Variants in BCL11A observed in about 807,000 individuals in gnomAD.
BCL11A encodes the protein B cell CLL/lymphoma 11A.
Under a neutral mutation model 55.9 loss-of-function variants are expected in BCL11A, and 2 were observed. The observed-to-expected ratio is 0.04, with a 90% confidence interval of 0.01 to 0.11. BCL11A has a LOEUF of 0.11. Ranked by LOEUF, BCL11A falls within the 10% of genes least tolerant of loss-of-function variation. The pLI is 1.00. For missense variants in BCL11A, 817 were observed against 1,137.1 expected (o/e 0.72, Z 4.05); for synonymous variants, 465 against 473.4 (o/e 0.98, Z 0.23).
chr2:60,531,813 A>C (rs1669469304), intron 2 of BCL11A, among the ~76,000 whole-genome samples: 2 of 152,064 alleles, frequency 1.3e-5, no homozygotes, highest in Admixed American at 1.3e-4. Context: ...CCCTCTTCCT[A>C]ACCACCCTCT....
chr2:60,551,511 C>T (rs1338571250), intron 1 of BCL11A, among the ~76,000 whole-genome samples: 1 of 152,236 alleles, frequency 6.6e-6, no homozygotes, highest in East Asian at 1.9e-4. Context: ...GCAGGGAAAG[C>T]ACGTGGTGAC....
chr2:60,467,081 G>C (rs1002846563), intron 3 of BCL11A, among the ~76,000 whole-genome samples: 6 of 149,344 alleles, frequency 4.0e-5, no homozygotes, highest in Non-Finnish European at 9.0e-5. Flanking sequence ...AGTGGTGGTG[G>C]TGGTGGTGGT....
intron 3 of BCL11A, among the ~76,000 whole-genome samples, chr2:60,464,507 T>A (rs1040998714): frequency 4.6e-5 from 7 of 152,192 alleles, no homozygotes; most frequent in African/African-American, 1.7e-4. Flanking sequence ...AGCCTGACGA[T>A]CTGAGTTGGG....
chr2:60,454,127 C>G (rs1177664991), downstream of BCL11A, among the ~76,000 whole-genome samples: 1 of 152,030 alleles, frequency 6.6e-6, no homozygotes, highest in Non-Finnish European at 1.5e-5. Flanking sequence ...AATTAAACAG[C>G]GGGCTAATGG....
chr2:60,488,246 T>G (rs1432795179), intron 2 of BCL11A, among the ~76,000 whole-genome samples: 1 of 152,244 alleles, frequency 6.6e-6, no homozygotes, highest in African/African-American at 2.4e-5. Context: ...GTCATGATTT[T>G]AACTGAACAA....
chr2:60,462,487 T>A, intron 3 of BCL11A, 63 bp from the exon 4 acceptor site: 1 of 1,545,224 alleles, frequency 6.5e-7, no homozygotes, highest in South Asian at 1.3e-5. Flanking sequence ...AGCAATTGCT[T>A]ATTTATGTTC....
intron 2 of BCL11A, among the ~76,000 whole-genome samples, chr2:60,471,387 A>G (rs1164641712): frequency 1.3e-5 from 2 of 152,266 alleles, no homozygotes; most frequent in African/African-American, 2.4e-5. Context: ...TGGGGACCCC[A>G]GCTGATTCTG....
chr2:60,455,470 G>T (rs1353463556), downstream of BCL11A, among the ~76,000 whole-genome samples: 1 of 152,116 alleles, frequency 6.6e-6, no homozygotes, highest in African/African-American at 2.4e-5. Context: ...ATCAGAAGGC[G>T]TCAATAAGTC....
In BCL11A at chr2:60,460,719, G is replaced by A. The variant is rs1388112346; in HGVS notation, c.2193C>T (p.Gly731=). 1.2e-6 allele frequency: 2 copies of A among 1,614,060 alleles called. No individual in the cohort carries two copies. Among genetic ancestry groups the A allele is most frequent in the Non-Finnish European group, 1.7e-6 (2 of 1,180,054 alleles). ...GTCTGCCCTCTTTTGAGCTGGGCCTGCCCGGGCCCGGACCACTAATATGGG... is the reference window on the plus strand; with the variant it reads ...GTCTGCCCTCTTTTGAGCTGGGCCTACCCGGGCCCGGACCACTAATATGGG... ...STPHISGPGP[G]RPSSKEGRRS... Residue 731 remains glycine, a synonymous_variant, in exon 4 of 4, where the codon GGC becomes GGT. Transcript: ENST00000642384.
Position 60,459,702 on chromosome 2 carries a change from T to G in BCL11A, c.*702A>C, listed in dbSNP as rs150974916. ...GCACTCATATTTTAAAACCAAATGA[T>G]AGAATAAACTTGTTCTGTTTTTCTG... On this transcript the variant is annotated 3_prime_UTR_variant, in exon 4 of 4. Coordinates refer to ENST00000642384, the MANE Select transcript of BCL11A (RefSeq NM_022893.4). 3,267 of 1,036,658 alleles carry G rather than the reference T, an allele frequency of 3.2e-3. 8 individuals are homozygous for G. Among genetic ancestry groups the G allele is most frequent in the Admixed American group, 5.1e-3 (91 of 17,724 alleles). The allele number at this position is 1,036,658 out of a possible 1,614,324, so 64.2% of individuals were successfully genotyped here.
In BCL11A at chr2:60,476,190, C is replaced by A. The variant is rs45625438; in HGVS notation, c.386-7357G>T. Among the ~76,000 whole-genome samples the A allele has an allele frequency of 4.6e-3, 698 of 152,232 alleles. 3 individuals carry two copies. The highest frequency in any genetic ancestry group is 0.01 in the Middle Eastern group (3 of 294). The stretch of plus-strand genomic sequence containing the variant: ...GGAGAGTTCAGGGCTGGGCTTGGTC[C>A]CCAGGCTAATCCTTAGGCTTAGAGA... On this transcript the variant is annotated intron_variant, in intron 2 of 3. Coordinates refer to ENST00000642384, the MANE Select transcript of BCL11A (RefSeq NM_022893.4).
At chr2:60,490,969 T>C (rs1237532633) in intron 2 of BCL11A, among the ~76,000 whole-genome samples, 1 of 150,390 alleles carries the variant, frequency 6.6e-6, no homozygotes, top group Non-Finnish European at 1.5e-5. Flanking sequence ...TGCAGTAACA[T>C]GTTATGCTAC....
intron 2 of BCL11A, chr2:60,542,391 TCCC>T (rs912203744): frequency 2.0e-5 from 3 of 151,822 alleles, no homozygotes; most frequent in African/African-American, 7.3e-5. Flanking sequence ...CATGAATATT[TCCC>T]CCCATCATAA....
chr2:60,460,813 G>A lies in BCL11A; in HGVS notation c.2099C>T (p.Ser700Phe). The A allele has an allele frequency of 6.2e-7, 1 of 1,612,854 alleles. No homozygotes were observed. Among genetic ancestry groups the A allele is most frequent in the Non-Finnish European group, 8.5e-7 (1 of 1,180,028 alleles). The change falls in exon 4 of 4, where the codon TCC becomes TTC. Residue 700 changes from serine (S) to phenylalanine (F), a missense_variant. Ser to Phe is a radical substitution (Grantham distance 155). This residue lies in a region of BCL11A where 379 missense variants were observed against 425.3 expected (regional missense o/e 0.89). Transcript: ENST00000642384. Reference sequence around the variant, plus strand: ...TCCGTCCAGCTCCCCGGGCGGTGTGGAGAAGCGCAAACTCCCGTTCTCCGA... The same window carrying A: ...TCCGTCCAGCTCCCCGGGCGGTGTGAAGAAGCGCAAACTCCCGTTCTCCGA... ...HSSENGSLRF[S>F]TPPGELDGGI...
intron 2 of BCL11A, chr2:60,508,572 G>A (rs1679777514): frequency 6.6e-6 from 1 of 152,322 alleles, no homozygotes; most frequent in Non-Finnish European, 1.5e-5. Context: ...CCTCCGGGAT[G>A]TAAAGCATTT....
At chr2:60,452,694 G>C, downstream of BCL11A, 1 of 1,555,216 alleles carries the variant, frequency 6.4e-7, no homozygotes, top group Non-Finnish European at 8.8e-7. Flanking sequence ...ACAGAGGAGG[G>C]GGAAAAAAAA....
intron 1 of BCL11A, among the ~76,000 whole-genome samples, chr2:60,548,462 A>C (rs1670251486): frequency 6.6e-6 from 1 of 152,196 alleles, no homozygotes; most frequent in Non-Finnish European, 1.5e-5. Flanking sequence ...ACTTGGTTAA[A>C]GTCTTCTAAA....
chr2:60,479,187 T>C (rs1427937249), intron 2 of BCL11A, among the ~76,000 whole-genome samples: 1 of 152,144 alleles, frequency 6.6e-6, no homozygotes, highest in Non-Finnish European at 1.5e-5. Flanking sequence ...ACATCCAATG[T>C]TCCCAGACAC....
At chr2:60,507,236 G>A (rs111813074) in intron 2 of BCL11A, among the ~76,000 whole-genome samples, 492 of 40,398 alleles carry the variant, frequency 0.012, 12 homozygotes, top group Non-Finnish European at 0.016. Context: ...GGAAGGAAGG[G>A]AGGGAGGGAG....
Sources: allele counts gnomAD v4.1 joint callset (sites outside exome capture counted in the v4.1 genomes callset), GRCh38; gene constraint gnomAD v4.1.1; regional missense constraint gnomAD v4.1.1; transcripts MANE v1.5; gene names NCBI Gene and HGNC (gene_info 2026-07-23, HGNC 2026-07-21).